LAMB2: variants seen among roughly 807,000 people sequenced by gnomAD.
The protein encoded by LAMB2 is laminin subunit beta 2, also known as laminin subunit beta-2.
Under a neutral mutation model 202.7 loss-of-function variants are expected in LAMB2, and 119 were observed. That is an observed-to-expected ratio of 0.59 (90% confidence interval 0.51 to 0.68). LAMB2 has a LOEUF of 0.68. LAMB2 is among the 30% of genes least tolerant of loss of function. The probability of loss-of-function intolerance (pLI) is 0.00; values close to 1 mark genes in which losing one functional copy is unlikely to be tolerated. For missense variants in LAMB2, 2,124 were observed against 2,410.6 expected (o/e 0.88, Z 2.49); for synonymous variants, 818 against 902.2 (o/e 0.91, Z 1.67).
In LAMB2 at chr3:49,122,724, CT is replaced by C. The variant is rs1407504485; in HGVS notation, c.4552del (p.Ser1518ValfsTer2). ...CTCACGGTTGAGGAAGTCCTTCACA[CT>C]CTGGATAAGTTCTTGAAGTTCCTGG... ...ANQELQELIQ[S>X]VKDFLNQEGA... On this transcript the variant is annotated frameshift_variant, in exon 27 of 32. Coordinates refer to ENST00000305544, the MANE Select transcript of LAMB2 (RefSeq NM_002292.4). LOFTEE classifies it high-confidence loss of function. 1 of 1,614,168 alleles carries C rather than the reference CT, an allele frequency of 6.2e-7. No individual in the cohort carries two copies. The highest frequency in any genetic ancestry group is 8.5e-7 in the Non-Finnish European group (1 of 1,180,002).
Position 49,132,958 on chromosome 3 carries a change from T to C in LAMB2, c.-91A>G. 8.5e-7 allele frequency: 1 copy of C among 1,173,916 alleles called. No individual in the cohort carries two copies. Among genetic ancestry groups the C allele is most frequent in the Non-Finnish European group, 1.3e-6 (1 of 787,728 alleles). The allele number at this position is 1,173,916 out of a possible 1,614,324, so 72.7% of individuals were successfully genotyped here. ...TGGGGTTCCGTGTCAACTCTGCCTG[T>C]GGGTCTTTGGCCTGTTTCCCTCCAG... is the stretch of plus-strand genomic sequence containing the variant. On this transcript the variant is annotated 5_prime_UTR_variant, in exon 1 of 32. Coordinates refer to ENST00000305544, the MANE Select transcript of LAMB2 (RefSeq NM_002292.4). This position sits in a 1 kb window ranked among gnomAD's most constrained non-coding sequence, Gnocchi z 4.6.
chr3:49,131,411 G>C lies in LAMB2; in HGVS notation c.680C>G (p.Pro227Arg). Residue 227 changes from proline to arginine, a missense_variant, in exon 6 of 32, where the codon CCT becomes CGT. Transcript: ENST00000305544. The surrounding 1 kb of genome is among the most constrained non-coding windows in gnomAD (Gnocchi z 5.0). ...VIYRVLDPAIPIPDPYSSRIQ... is the reference protein window; with the variant it reads ...VIYRVLDPAIRIPDPYSSRIQ... ...CCGTGAGCTGTAGGGGTCTGGGATA[G>C]GGATGGCAGGGTCCAGCACACGATA... 1 of 1,614,158 alleles carries C rather than the reference G, an allele frequency of 6.2e-7. No homozygotes were observed.
chr3:49,122,962 C>T lies in LAMB2; in HGVS notation c.4315G>A (p.Gly1439Ser), dbSNP rs779722648. The change falls in exon 27 of 32, where the codon GGC (glycine) becomes AGC (serine). Residue 1439 changes from glycine (G) to serine (S), a missense_variant. Gly to Ser is a moderately conservative substitution (Grantham distance 56). This residue lies in a region of LAMB2 where 1,702 missense variants were observed against 1,896.3 expected (regional missense o/e 0.90). Coordinates refer to ENST00000305544, the MANE Select transcript of LAMB2 (RefSeq NM_002292.4). Reference sequence around the variant, plus strand: ...GCCGCTGCCCCATTGCAGCTGAGGCCCCCACAGCGCGGCTGCCCATCCTCA... The same window carrying T: ...GCCGCTGCCCCATTGCAGCTGAGGCTCCCACAGCGCGGCTGCCCATCCTCA... ...RDEDGQPRCG[G>S]LSCNGAAATA... 15 of 1,608,702 alleles carry T rather than the reference C, an allele frequency of 9.3e-6. No individual in the cohort carries two copies. The South Asian group carries it at 1.4e-4, about 15-fold the overall frequency.
chr3:49,130,141 C>A lies in LAMB2; in HGVS notation c.1225+90G>T, dbSNP rs566931291. ...TCAAGTTCTATCCCAAGCCCCTAAC[C>A]CCAATTTCCTGCAATTTAGACAGCA... On this transcript the variant is annotated intron_variant, in intron 9 of 31. Transcript: ENST00000305544. The surrounding 1 kb of genome is among the most constrained non-coding windows in gnomAD (Gnocchi z 5.0). 43 of 1,592,180 alleles carry A rather than the reference C, an allele frequency of 2.7e-5. No homozygotes were observed. In the South Asian group the frequency reaches 4.2e-4, roughly 16 times the overall value.
Position 49,128,836 on chromosome 3 carries a change from C to G in LAMB2, c.1732-17G>C, listed in dbSNP as rs373720031. The G allele has an allele frequency of 6.2e-7, 1 of 1,610,172 alleles. No homozygotes were observed. Among genetic ancestry groups the G allele is most frequent in the African/African-American group, 1.3e-5 (1 of 74,962 alleles). ...ATCGAGCACCTGGGAGATAATGCAG[C>G]CAGGGATGGAGGCTCAGGTGAGGCT... On this transcript the variant is annotated splice_polypyrimidine_tract_variant and intron_variant, in intron 13 of 31. Coordinates refer to ENST00000305544, the MANE Select transcript of LAMB2 (RefSeq NM_002292.4).
In LAMB2 at chr3:49,124,785, G is replaced by A. The variant is rs747360121; in HGVS notation, c.3025C>T (p.Arg1009Cys). 6.8e-6 allele frequency: 11 copies of A among 1,614,188 alleles called. No homozygotes were observed. The highest frequency in any genetic ancestry group is 1.7e-5 in the Admixed American group (1 of 60,034). Residue 1009 changes from arginine (R) to cysteine (C), a missense_variant, in exon 21 of 32, where the codon CGC becomes TGC. Transcript: ENST00000305544. Reference sequence around the variant, plus strand: ...GGACCCTCTGTGTGGTGTAAACAGCGCAGGCATTGCCCCGTGTGGGGGTCA... The same window carrying A: ...GGACCCTCTGTGTGGTGTAAACAGCACAGGCATTGCCCCGTGTGGGGGTCA... ...ACDPHTGQCLRCLHHTEGPHC... is the reference protein window; with the variant it reads ...ACDPHTGQCLCCLHHTEGPHC...
Position 49,125,812 on chromosome 3 carries a change from AC to A in LAMB2, c.2422del (p.Val808TrpfsTer343), listed in dbSNP as rs770848308. 2 of 1,613,870 alleles carry A rather than the reference AC, an allele frequency of 1.2e-6. No individual in the cohort carries two copies. The highest frequency in any genetic ancestry group is 2.2e-5 in the South Asian group (2 of 91,068). On this transcript the variant is annotated frameshift_variant, in exon 18 of 32. Coordinates refer to ENST00000305544, the MANE Select transcript of LAMB2 (RefSeq NM_002292.4). LOFTEE classifies it high-confidence loss of function. The stretch of plus-strand genomic sequence containing the variant: ...ACAGAGGTCACAGCGGCGCCCAACC[AC>A]TCCAGGCTTGCACAGGCACTGACCA... The part of the protein sequence containing the change: ...HGGQCLCKPG[V>X]VGRRCDLCAP...
Position 49,130,948 on chromosome 3 carries a change from A to G in LAMB2, c.915+2T>C. 2 of 1,614,022 alleles carry G rather than the reference A, an allele frequency of 1.2e-6. No individual in the cohort carries two copies. The highest frequency in any genetic ancestry group is 1.7e-6 in the Non-Finnish European group (2 of 1,180,006). On this transcript the variant is annotated splice_donor_variant, in intron 7 of 31. Coordinates refer to ENST00000305544, the MANE Select transcript of LAMB2 (RefSeq NM_002292.4). LOFTEE classifies it high-confidence loss of function. The surrounding 1 kb of genome is among the most constrained non-coding windows in gnomAD (Gnocchi z 5.0). Reference sequence around the variant, plus strand: ...CTATCCCAACCGTCTGAAGCCCCTTACCATGCCCTCAGCATGGGCTGGTGC... The same window carrying G: ...CTATCCCAACCGTCTGAAGCCCCTTGCCATGCCCTCAGCATGGGCTGGTGC...
Position 49,129,200 on chromosome 3 carries a change from AG to A in LAMB2, c.1598+44del. 1 of 1,614,158 alleles carries A rather than the reference AG, an allele frequency of 6.2e-7. No individual in the cohort carries two copies. The highest frequency in any genetic ancestry group is 8.5e-7 in the Non-Finnish European group (1 of 1,180,034). On this transcript the variant is annotated intron_variant, in intron 12 of 31. Coordinates refer to ENST00000305544, the MANE Select transcript of LAMB2 (RefSeq NM_002292.4). The surrounding 1 kb of genome is among the most constrained non-coding windows in gnomAD (Gnocchi z 6.1). ...TCAAGAAGAACCTTCTCTTCTGCTCAGGATCTTTCCCCATCCCTTCCCAGGC... is the reference window on the plus strand; with the variant it reads ...TCAAGAAGAACCTTCTCTTCTGCTCAGATCTTTCCCCATCCCTTCCCAGGC...
chr3:49,130,256 G>T lies in LAMB2; in HGVS notation c.1200C>A (p.Asp400Glu). ...AGCGGCACACAGCCGGATCCCGCAG[G>T]TCCTTGGTTGGGTCACGGTAGAAGA... ...RPFFYRDPTKDLRDPAVCRSC... is the reference protein window; with the variant it reads ...RPFFYRDPTKELRDPAVCRSC... Residue 400 changes from aspartate (D) to glutamate (E), a missense_variant, in exon 9 of 32, where the codon GAC becomes GAA. Physicochemically the swap from Asp to Glu is conservative, Grantham distance 45. This residue lies in a region of LAMB2 where 1,702 missense variants were observed against 1,896.3 expected (regional missense o/e 0.90). Coordinates refer to ENST00000305544, the MANE Select transcript of LAMB2 (RefSeq NM_002292.4). The surrounding 1 kb of genome is among the most constrained non-coding windows in gnomAD (Gnocchi z 5.0). 1 of 1,614,228 alleles carries T rather than the reference G, an allele frequency of 6.2e-7. No homozygotes were observed. Among genetic ancestry groups the T allele is most frequent in the Non-Finnish European group, 8.5e-7 (1 of 1,180,048 alleles).
intron 15 of LAMB2, 65 bp downstream of exon 15, chr3:49,128,393 G>T (rs2045443648): frequency 1.9e-6 from 3 of 1,582,250 alleles, no homozygotes; most frequent in African/African-American, 2.7e-5. Flanking sequence ...CAGGTGCCCT[G>T]CAGGGAGCTT....
At position 49,128,497 on chromosome 3, in the gene LAMB2, T is replaced by G; in HGVS notation, c.1979A>C (p.Lys660Thr). 1 of 1,614,162 alleles carries G rather than the reference T, an allele frequency of 6.2e-7. No homozygotes were observed. Reference protein sequence around the residue: ...AHSLCGHLVPKDDRIQGTLQP... With the variant: ...AHSLCGHLVPTDDRIQGTLQP... ...CAGAGTCCCTTGGATGCGATCATCCTTGGGCACCAAATGCCCACACAGGCT... is the reference window on the plus strand; with the variant it reads ...CAGAGTCCCTTGGATGCGATCATCCGTGGGCACCAAATGCCCACACAGGCT... Residue 660 changes from lysine to threonine, a missense_variant, in exon 15 of 32, where the codon AAG becomes ACG. Lys to Thr is a moderately conservative substitution (Grantham distance 78, BLOSUM62 -1). Around this residue, in one of 3 missense-constraint regions of LAMB2, gnomAD observed 1,702 missense variants for 1,896.3 expected, o/e 0.90. Coordinates refer to ENST00000305544, the MANE Select transcript of LAMB2 (RefSeq NM_002292.4).
rs760323101 is a variant in LAMB2 at position 49,132,238 on chromosome 3, C to T, written c.385+32G>A. 6.2e-7 allele frequency: 1 copy of T among 1,614,178 alleles called. No homozygotes were observed. Among genetic ancestry groups the T allele is most frequent in the Admixed American group, 1.7e-5 (1 of 60,030 alleles). The stretch of plus-strand genomic sequence containing the variant: ...GGACTCAAAGCTACTGGTGGGCAGC[C>T]CTGCTCACTTTTGCCCCACCCATGG... On this transcript the variant is annotated intron_variant, in intron 3 of 31. Transcript: ENST00000305544. The surrounding 1 kb of genome is among the most constrained non-coding windows in gnomAD (Gnocchi z 4.6).
At chr3:49,127,734 A>C (rs1027611538) in intron 15 of LAMB2, among the ~76,000 whole-genome samples, 4 of 149,404 alleles carry the variant, frequency 2.7e-5, no homozygotes, top group African/African-American at 9.9e-5. Flanking sequence ...GAAACAATGA[A>C]ACAGGGCTGG....
At position 49,121,720 on chromosome 3, in the gene LAMB2, T is replaced by G; in HGVS notation, c.5064A>C (p.Ala1688=). Residue 1688 remains alanine (A), a synonymous_variant, in exon 30 of 32, where the codon GCA becomes GCC. Coordinates refer to ENST00000305544, the MANE Select transcript of LAMB2 (RefSeq NM_002292.4). ...CCTGGGCACGACCCTGGGCACTGCC[T>G]GCCGTTTCTTCTGCTGTAGAGGCTG... ...SLAASTAEET[A]GSAQGRAQEA... 2 of 1,613,968 alleles carry G rather than the reference T, an allele frequency of 1.2e-6. No homozygotes were observed. Among genetic ancestry groups the G allele is most frequent in the Non-Finnish European group, 1.7e-6 (2 of 1,180,018 alleles).
chr3:49,129,156 G>A lies in LAMB2; in HGVS notation c.1599-4C>T, dbSNP rs1355653167. 2 of 1,614,064 alleles carry A rather than the reference G, an allele frequency of 1.2e-6. No individual in the cohort carries two copies. ...TTGACCTGTGCCCTCATCACACCTG[G>A]AGGGAACTCTGTGGTTACTCAAGAA... On this transcript the variant is annotated splice_polypyrimidine_tract_variant and splice_region_variant and intron_variant, in intron 12 of 31. Transcript: ENST00000305544. This position sits in a 1 kb window ranked among gnomAD's most constrained non-coding sequence, Gnocchi z 6.1.
rs757935164 is a variant in LAMB2 at position 49,130,373 on chromosome 3, G to A, written c.1083C>T (p.Ala361=). ...GHTHSCHFDM[A]VYLASGNVSG... ...TCACATTGCCAGATGCCAGGTATACGGCCATGTCGAAGTGGCAGCTGTGGG... is the reference window on the plus strand; with the variant it reads ...TCACATTGCCAGATGCCAGGTATACAGCCATGTCGAAGTGGCAGCTGTGGG... Residue 361 remains alanine, a synonymous_variant, in exon 9 of 32, where the codon GCC becomes GCT. Coordinates refer to ENST00000305544, the MANE Select transcript of LAMB2 (RefSeq NM_002292.4). The surrounding 1 kb of genome is among the most constrained non-coding windows in gnomAD (Gnocchi z 5.0). The A allele has an allele frequency of 4.0e-5, 64 of 1,613,988 alleles. No homozygotes were observed. The highest frequency in any genetic ancestry group is 4.9e-5 in the Non-Finnish European group (58 of 1,180,046).
chr3:49,121,134 T>C lies in LAMB2; in HGVS notation c.*92A>G, dbSNP rs886058670. 5.4e-5 allele frequency: 80 copies of C among 1,469,980 alleles called. 1 individual carries two copies. Among genetic ancestry groups the C allele is most frequent in the Admixed American group, 2.9e-4 (16 of 56,068 alleles). The allele number at this position is 1,469,980 out of a possible 1,614,324, so 91.1% of individuals were successfully genotyped here. ...CACAGTGGGGGTTCACACTGGTTTA[T>C]TGGGGGCCCTGCCGGGCCAAGAGCT... On this transcript the variant is annotated 3_prime_UTR_variant, in exon 32 of 32. Coordinates refer to ENST00000305544, the MANE Select transcript of LAMB2 (RefSeq NM_002292.4).
At position 49,126,365 on chromosome 3, in the gene LAMB2, C is replaced by G. The variant is rs1424003500; in HGVS notation, c.2151G>C (p.Ser717=). 1 of 1,614,170 alleles carries G rather than the reference C, an allele frequency of 6.2e-7. No homozygotes were observed. The change falls in exon 16 of 32, where the codon TCG becomes TCC. Residue 717 remains serine, a splice_region_variant and synonymous_variant. Coordinates refer to ENST00000305544, the MANE Select transcript of LAMB2 (RefSeq NM_002292.4). ...PYSGPGLLID[S]LVLLPRVLVL... is the part of the protein sequence containing the mutation. ...GTGTGGGCAAGAGGAGATTATTCACCGAGTCAATGAGCAGGCCAGGTCCAG... is the reference window on the plus strand; with the variant it reads ...GTGTGGGCAAGAGGAGATTATTCACGGAGTCAATGAGCAGGCCAGGTCCAG...
Sources: gnomAD v4.1 joint callset for allele counts (sites outside exome capture counted in the v4.1 genomes callset) on GRCh38, gnomAD v4.1.1 for gene constraint, gnomAD v4.1.1 regional missense constraint, Gnocchi (gnomAD v3.1) non-coding constraint, MANE v1.5 for transcripts, NCBI Gene and HGNC (gene_info 2026-07-23, HGNC 2026-07-21) for gene names.